The following RBFOX1 variants were observed in gnomAD, a reference collection of about 807,000 sequenced individuals.
RBFOX1 encodes RNA binding fox-1 homolog 1, also known as RNA binding protein fox-1 homolog 1.
A neutral mutation model predicts 57.7 loss-of-function variants in RBFOX1; 8 were observed. That is an observed-to-expected ratio of 0.14 (90% CI 0.08 to 0.25). The LOEUF (loss-of-function observed/expected upper bound fraction) is 0.25, where lower values mean the gene tolerates loss of function less well. Ranked by LOEUF, RBFOX1 falls within the 10% of genes least tolerant of loss-of-function variation. RBFOX1 has a pLI of 1.00. For missense variants in RBFOX1, 611 were observed against 548.5 expected (o/e 1.11, Z -1.14); for synonymous variants, 326 against 222.4 (o/e 1.47, Z -4.15).
Position 5,255,374 on chromosome 16 carries a change from A to C in RBFOX1, c.219+15269A>C, listed in dbSNP as rs1480985347. ...CATCCCTCCATCCATCCATCCATCC[A>C]TCCATCCAGACATGCATACATCCAT... On this transcript the variant is annotated intron_variant, in intron 1 of 2. Transcript: ENST00000585867. 7.4e-5 allele frequency among the ~76,000 whole-genome samples: 10 copies of C among 134,420 alleles called. No individual in the cohort carries two copies. In the East Asian group the frequency reaches 1.9e-3, roughly 26 times the overall value. The allele number at this position is 134,420 out of a possible 152,430, so 88.2% of individuals were successfully genotyped here.
chr16:6,655,301 G>A (rs1225213570), intron 3 of RBFOX1, among the ~76,000 whole-genome samples: 2 of 141,200 alleles, frequency 1.4e-5, no homozygotes, highest in African/African-American at 2.6e-5. Flanking sequence ...TTGATCCTTG[G>A]AGGTGGAGAC....
chr16:6,900,384 C>G (rs1294027450), intron 3 of RBFOX1, among the ~76,000 whole-genome samples: 2 of 152,200 alleles, frequency 1.3e-5, no homozygotes, highest in Non-Finnish European at 2.9e-5. Flanking sequence ...ATCCATGCTC[C>G]CATCAAGGAA....
chr16:5,963,728 C>G (rs944126319), intron 4 of RBFOX1, among the ~76,000 whole-genome samples: 4 of 152,084 alleles, frequency 2.6e-5, no homozygotes, highest in African/African-American at 4.8e-5. Flanking sequence ...AAATTAGATC[C>G]TTATCTTATA....
chr16:6,110,192 C>CT (rs1226858713), intron 1 of RBFOX1, among the ~76,000 whole-genome samples: 1 of 74,656 alleles, frequency 1.3e-5, no homozygotes, highest in Non-Finnish European at 2.8e-5. Context: ...GTATTTTCTT[C>CT]TTCTTTTTTT....
intron 2 of RBFOX1, among the ~76,000 whole-genome samples, chr16:5,505,829 C>T (rs559770624): frequency 5.9e-5 from 9 of 152,220 alleles, no homozygotes; most frequent in East Asian, 1.9e-4. Flanking sequence ...CTCCCTAGAC[C>T]GTGGTTTGCG....
chr16:7,185,197 C>G (rs950939333), intron 4 of RBFOX1, among the ~76,000 whole-genome samples: 1 of 95,804 alleles, frequency 1.0e-5, no homozygotes, highest in South Asian at 4.7e-4. Flanking sequence ...CATTATACCT[C>G]TCTCTCTCTC....
intron 14 of RBFOX1, among the ~76,000 whole-genome samples, chr16:7,698,886 A>G (rs1374237879): frequency 6.6e-6 from 1 of 152,210 alleles, no homozygotes; most frequent in African/African-American, 2.4e-5. Flanking sequence ...AAGTGTGTGC[A>G]ATCAATTTGT....
At chr16:7,518,071 G>A (rs2076757130) in intron 4 of RBFOX1, 76 bp from the exon 5 acceptor site, 1 of 1,524,420 alleles carries the variant, frequency 6.6e-7, no homozygotes, top group Non-Finnish European at 8.9e-7. Context: ...GATCGTCCTG[G>A]GATCTGGGAG....
At chr16:7,509,112 T>C (rs993623504) in intron 4 of RBFOX1, among the ~76,000 whole-genome samples, 27 of 152,240 alleles carry the variant, frequency 1.8e-4, no homozygotes, top group African/African-American at 6.3e-4. Context: ...GTATGAGTTC[T>C]TGTTTTTGCT....
chr16:6,546,285 G>C (rs1599446559), intron 2 of RBFOX1, among the ~76,000 whole-genome samples: 1 of 152,158 alleles, frequency 6.6e-6, no homozygotes, highest in African/African-American at 2.4e-5. Context: ...CAAGTGCATT[G>C]TAAGCTCTTC....
At chr16:6,887,854 G>T (rs527353528) in intron 3 of RBFOX1, among the ~76,000 whole-genome samples, 3 of 151,984 alleles carry the variant, frequency 2.0e-5, no homozygotes, top group Non-Finnish European at 4.4e-5. Context: ...GTAGAGGTGG[G>T]GTTTGCCATG....
At chr16:7,463,210 G>C (rs1422178859) in intron 4 of RBFOX1, among the ~76,000 whole-genome samples, 2 of 152,010 alleles carry the variant, frequency 1.3e-5, no homozygotes, top group African/African-American at 4.8e-5. Flanking sequence ...TCTTTTAAAA[G>C]GGCATGAATC....
intron 13 of RBFOX1, among the ~76,000 whole-genome samples, chr16:7,668,324 C>T (rs756615474): frequency 9.9e-5 from 15 of 152,196 alleles, no homozygotes; most frequent in Non-Finnish European, 2.2e-4. Context: ...CAAATGACCT[C>T]CTTCTGAAAG....
At position 7,537,768 on chromosome 16, in the gene RBFOX1, C is replaced by A. The variant is rs538448306; in HGVS notation, c.270+19379C>A. ...ACGCAGGAGCCAGAGACTAAGCAAA[C>A]CCCGCCTCCACCCCAGTGCAGATTT... On this transcript the variant is annotated intron_variant, in intron 5 of 15. Transcript: ENST00000550418. Among the ~76,000 whole-genome samples, 9 of 152,262 alleles carry A rather than the reference C, an allele frequency of 5.9e-5. No individual in the cohort carries two copies. The East Asian group carries it at 1.7e-3, about 29-fold the overall frequency.
At chr16:7,463,959 G>C (rs955449511) in intron 4 of RBFOX1, among the ~76,000 whole-genome samples, 11 of 152,076 alleles carry the variant, frequency 7.2e-5, no homozygotes, top group Non-Finnish European at 1.3e-4. Flanking sequence ...TGAATGCTTT[G>C]GTGTCTTGCC....
chr16:6,167,134 G>C (rs1304164859), intron 1 of RBFOX1, among the ~76,000 whole-genome samples: 1 of 152,208 alleles, frequency 6.6e-6, no homozygotes. Flanking sequence ...CTGACGAATA[G>C]TGGCGTTGTG....
intron 7 of RBFOX1, among the ~76,000 whole-genome samples, chr16:7,587,607 A>C (rs547695792): frequency 6.6e-6 from 1 of 152,222 alleles, no homozygotes; most frequent in Non-Finnish European, 1.5e-5. Context: ...TATGTTCTTT[A>C]TATTAAAAAG....
At chr16:6,209,495 G>A (rs1051464214) in intron 1 of RBFOX1, among the ~76,000 whole-genome samples, 21 of 152,198 alleles carry the variant, frequency 1.4e-4, no homozygotes, top group African/African-American at 3.1e-4. Flanking sequence ...TAACCTCTCC[G>A]GTATCAGGGG....
chr16:6,142,103 G>A lies in RBFOX1; in HGVS notation c.-127+122111G>A, dbSNP rs546232179. On this transcript the variant is annotated intron_variant, in intron 1 of 15. Transcript: ENST00000550418. ...GAATACTGCTTCTTGCTTCTGGCCT[G>A]TCTTACTTCTCGATCCCTGATTAAT... Among the ~76,000 whole-genome samples the A allele has an allele frequency of 3.2e-5, 4 of 126,482 alleles. No homozygotes were observed. In the South Asian group the frequency reaches 1.1e-3, roughly 34 times the overall value. 83.0% of individuals were successfully genotyped at this position (126,482 alleles called of 152,430 possible).
Sources: allele counts gnomAD v4.1 joint callset (sites outside exome capture counted in the v4.1 genomes callset), GRCh38; gene constraint gnomAD v4.1.1; transcripts MANE v1.5; gene names NCBI Gene and HGNC (gene_info 2026-07-23, HGNC 2026-07-21).